SYK: variants seen among roughly 807,000 people sequenced by gnomAD.
The protein encoded by SYK is spleen associated tyrosine kinase, also known as tyrosine-protein kinase SYK.
SYK carries 16 observed loss-of-function variants against 77.8 expected under a neutral mutation model. The observed-to-expected ratio is 0.21, with a 90% CI of 0.14 to 0.31. The LOEUF (loss-of-function observed/expected upper bound fraction) is 0.31. Among genes scored for constraint, SYK ranks in the 10% least tolerant of loss-of-function variants. SYK has a pLI of 1.00. For missense variants in SYK, 529 were observed against 814.4 expected (o/e 0.65, Z 4.26); for synonymous variants, 312 against 308.7 (o/e 1.01, Z -0.11).
intron 1 of SYK, among the ~76,000 whole-genome samples, chr9:90,843,530 T>C (rs1019277955): frequency 2.0e-5 from 3 of 152,184 alleles, no homozygotes; most frequent in African/African-American, 7.2e-5. Flanking sequence ...AAGAGTCCTG[T>C]TTTGCAATAG....
chr9:90,838,814 C>T (rs920642596), intron 1 of SYK, among the ~76,000 whole-genome samples: 2 of 152,182 alleles, frequency 1.3e-5, no homozygotes, highest in Admixed American at 6.5e-5. Context: ...GAATTTGAGC[C>T]ATGAGCTGTT....
chr9:90,842,274 G>C lies in SYK; in HGVS notation c.-41-1584G>C, dbSNP rs372543406. On this transcript the variant is annotated intron_variant, in intron 1 of 13. Coordinates refer to ENST00000375754, the MANE Select transcript of SYK (RefSeq NM_003177.7). ...TGTAGTGCAGCTGTGGCATGTGTTCGTAGTGTGTGTGGCATGCATGTAGTG... is the reference window on the plus strand; with the variant it reads ...TGTAGTGCAGCTGTGGCATGTGTTCCTAGTGTGTGTGGCATGCATGTAGTG... Among the ~76,000 whole-genome samples, 24 of 145,768 alleles carry C rather than the reference G, an allele frequency of 1.6e-4. No individual in the cohort carries two copies. The East Asian group carries it at 4.7e-3, about 28-fold the overall frequency.
intron 1 of SYK, among the ~76,000 whole-genome samples, chr9:90,819,358 G>A (rs1825421183): frequency 6.6e-6 from 1 of 152,138 alleles, no homozygotes. Context: ...ACCATTTGAG[G>A]TCATACACAC....
chr9:90,828,240 C>CA (rs1554706483), intron 1 of SYK, among the ~76,000 whole-genome samples: 7 of 97,308 alleles, frequency 7.2e-5, no homozygotes, highest in Non-Finnish European at 1.2e-4. Flanking sequence ...CCCCCGCCCC[C>CA]CCCCCCGCCC....
chr9:90,878,787 T>C lies in SYK; in HGVS notation c.1415T>C (p.Ile472Thr), dbSNP rs1404069068. Reference protein sequence around the residue: ...QNRHVKDKNIIELVHQVSMGM... With the variant: ...QNRHVKDKNITELVHQVSMGM... ...AGACATGTCAAGGATAAGAACATCA[T>C]AGAACTGGTTCATCAGGTTTCCATG... The change falls in exon 11 of 14, where the codon ATA (isoleucine) becomes ACA (threonine). Residue 472 changes from isoleucine to threonine, a missense_variant. Ile to Thr is a moderately conservative substitution (Grantham distance 89, BLOSUM62 -1). This residue lies in a region of SYK where 208 missense variants were observed against 381.3 expected (regional missense o/e 0.55). Transcript: ENST00000375754. The C allele has an allele frequency of 2.5e-6, 4 of 1,613,448 alleles. No individual in the cohort carries two copies. The African/African-American group carries it at 4.0e-5, about 16-fold the overall frequency.
At chr9:90,861,875 G>A (rs1403316152) in intron 3 of SYK, among the ~76,000 whole-genome samples, 5 of 152,208 alleles carry the variant, frequency 3.3e-5, no homozygotes, top group South Asian at 2.1e-4. Context: ...CCTGAGAAGC[G>A]TCACTGCTAC....
chr9:90,869,184 C>T (rs1827630449), intron 7 of SYK, among the ~76,000 whole-genome samples: 1 of 151,778 alleles, frequency 6.6e-6, no homozygotes, highest in Non-Finnish European at 1.5e-5. Flanking sequence ...TAAATTTGAA[C>T]CTGTTAAGAA....
intron 13 of SYK, 144 bp downstream of exon 13, chr9:90,888,771 T>A: frequency 1.5e-6 from 1 of 656,630 alleles, no homozygotes; most frequent in Non-Finnish European, 2.5e-6. Context: ...TGGGGGCTGG[T>A]CTTGCTTTAG....
intron 3 of SYK, among the ~76,000 whole-genome samples, chr9:90,853,281 C>A (rs977912459): frequency 1.3e-5 from 2 of 149,848 alleles, no homozygotes; most frequent in African/African-American, 4.9e-5. Context: ...GCCTTCAGAG[C>A]AAGTGGGCTG....
At chr9:90,812,778 TGA>T (rs58859744) in intron 1 of SYK, among the ~76,000 whole-genome samples, 12,876 of 135,710 alleles carry the variant, frequency 0.095, 659 homozygotes, top group South Asian at 0.14. Context: ...TGTGTGTGTG[TGA>T]GAGAGAGAGA....
At chr9:90,814,389 T>C (rs1458583712) in intron 1 of SYK, among the ~76,000 whole-genome samples, 1 of 152,234 alleles carries the variant, frequency 6.6e-6, no homozygotes, top group Non-Finnish European at 1.5e-5. Context: ...AAAATAAATG[T>C]TGAATTTCAT....
intron 1 of SYK, among the ~76,000 whole-genome samples, chr9:90,805,653 AACT>A (rs1401738997): frequency 2.6e-5 from 4 of 152,230 alleles, no homozygotes; most frequent in Admixed American, 1.3e-4. Context: ...GGTTTGTCTT[AACT>A]GATAAATCTT....
rs985624152 is a variant in SYK, at chr9:90,821,697, C to T, written c.-42+19804C>T. 3.9e-5 allele frequency among the ~76,000 whole-genome samples: 6 copies of T among 152,016 alleles called. 1 individual carries two copies. The highest frequency in any genetic ancestry group is 7.4e-5 in the Non-Finnish European group (5 of 68,022). On this transcript the variant is annotated intron_variant, in intron 1 of 13. Transcript: ENST00000375754. ...ATGCATATTCCAGACGCTCCAACTC[C>T]TCCTTTCACCTCATATTATAAGTAA...
intron 9 of SYK, among the ~76,000 whole-genome samples, chr9:90,876,454 T>A (rs889722920): frequency 6.6e-6 from 1 of 152,176 alleles, no homozygotes; most frequent in Non-Finnish European, 1.5e-5. Context: ...AGTATATACA[T>A]GCGCACATAT....
At chr9:90,870,455 A>T (rs1469645950) in intron 7 of SYK, among the ~76,000 whole-genome samples, 1 of 152,234 alleles carries the variant, frequency 6.6e-6, no homozygotes, top group African/African-American at 2.4e-5. Context: ...ATAATATTTT[A>T]AAACTTACAT....
chr9:90,806,158 T>G (rs1181104794), intron 1 of SYK, among the ~76,000 whole-genome samples: 1 of 152,224 alleles, frequency 6.6e-6, no homozygotes, highest in Non-Finnish European at 1.5e-5. Context: ...GTTTTCTTAG[T>G]TTGCACTGTG....
In SYK at chr9:90,868,729, G is replaced by A. The variant is rs111396243; in HGVS notation, c.915+1530G>A. Among the ~76,000 whole-genome samples, 89 of 152,284 alleles carry A rather than the reference G, an allele frequency of 5.8e-4. 1 individual carries two copies. Among genetic ancestry groups the A allele is most frequent in the African/African-American group, 2.1e-3 (87 of 41,572 alleles). On this transcript the variant is annotated intron_variant, in intron 7 of 13. Coordinates refer to ENST00000375754, the MANE Select transcript of SYK (RefSeq NM_003177.7). ...ACTGTAGTAAAGGCATGGTAGATAA[G>A]CACTTTCACTCTTCCTTGGGGAAGT... is the stretch of plus-strand genomic sequence containing the variant.
intron 1 of SYK, among the ~76,000 whole-genome samples, chr9:90,832,521 G>C (rs1476059270): frequency 6.6e-6 from 1 of 152,186 alleles, no homozygotes; most frequent in Non-Finnish European, 1.5e-5. Context: ...GGTGAGGCAG[G>C]CAGCTTCCAG....
At position 90,896,425 on chromosome 9, in the gene SYK, A is replaced by G. The variant is rs545725831; in HGVS notation, c.*825A>G. ...CAAGAGGCCCATCCCCCAGCATCTCACTGAGGACAGCTTCAGGCTGCCTTC... is the reference window on the plus strand; with the variant it reads ...CAAGAGGCCCATCCCCCAGCATCTCGCTGAGGACAGCTTCAGGCTGCCTTC... On this transcript the variant is annotated 3_prime_UTR_variant, in exon 14 of 14. Coordinates refer to ENST00000375754, the MANE Select transcript of SYK (RefSeq NM_003177.7). 8.6e-6 allele frequency: 2 copies of G among 233,310 alleles called. No homozygotes were observed. The highest frequency in any genetic ancestry group is 3.6e-4 in the South Asian group (2 of 5,530). The allele number at this position is 233,310 out of a possible 1,614,324, so 14.5% of individuals were successfully genotyped here. A position where few individuals can be genotyped will look rare whatever the true frequency, so the allele number is the denominator to read the frequency against.
Sources: allele counts gnomAD v4.1 joint callset (sites outside exome capture counted in the v4.1 genomes callset), GRCh38; gene constraint gnomAD v4.1.1; regional missense constraint gnomAD v4.1.1; transcripts MANE v1.5; gene names NCBI Gene and HGNC (gene_info 2026-07-23, HGNC 2026-07-21).